RBFOX1: variants seen among roughly 807,000 people sequenced by gnomAD.
The protein encoded by RBFOX1 is RNA binding protein fox-1 homolog 1.
A neutral mutation model predicts 57.7 loss-of-function variants in RBFOX1; 8 were observed. That is an observed-to-expected ratio of 0.14 (90% confidence interval 0.08 to 0.25). RBFOX1 has a LOEUF of 0.25. Ranked by LOEUF, RBFOX1 falls within the 10% of genes least tolerant of loss-of-function variation. The pLI is 1.00. For synonymous variants in RBFOX1, 326 were observed against 222.4 expected (o/e 1.47, Z -4.15); for missense variants, 611 against 548.5 (o/e 1.11, Z -1.14).
intron 1 of RBFOX1, among the ~76,000 whole-genome samples, chr16:6,094,355 G>T (rs2096217825): frequency 6.6e-6 from 1 of 152,138 alleles, no homozygotes; most frequent in Admixed American, 6.5e-5. Flanking sequence ...ACCCCAGGTG[G>T]CACTTCTCAG....
rs920019792 is a variant in RBFOX1, at chr16:6,665,456, A to C, written c.-16+10806A>C. On this transcript the variant is annotated intron_variant, in intron 3 of 15. Transcript: ENST00000550418. ...TGGTGAAACCCCATCGCTGCTAAAA[A>C]TAAAAAATATAAAAAAATATTAGCC... 2.6e-5 allele frequency among the ~76,000 whole-genome samples: 4 copies of C among 152,140 alleles called. No homozygotes were observed. In the East Asian group the frequency reaches 7.7e-4, roughly 29 times the overall value.
chr16:5,575,281 A>T (rs1345885666), intron 2 of RBFOX1, among the ~76,000 whole-genome samples: 3 of 152,164 alleles, frequency 2.0e-5, no homozygotes, highest in African/African-American at 7.2e-5. Flanking sequence ...ACCATTGATC[A>T]TTATCGTCGT....
chr16:7,503,596 G>A (rs1013912267), intron 4 of RBFOX1, among the ~76,000 whole-genome samples: 5 of 152,164 alleles, frequency 3.3e-5, no homozygotes, highest in Non-Finnish European at 5.9e-5. Context: ...ATGTTACTCT[G>A]GTGGTAGTAG....
chr16:5,411,170 C>T (rs1243960630), intron 1 of RBFOX1, among the ~76,000 whole-genome samples: 1 of 152,194 alleles, frequency 6.6e-6, no homozygotes, highest in African/African-American at 2.4e-5. Context: ...AAAAGGACCT[C>T]AAAGATATCA....
intron 2 of RBFOX1, among the ~76,000 whole-genome samples, chr16:6,476,862 A>G (rs550543987): frequency 7.9e-5 from 12 of 152,350 alleles, no homozygotes; most frequent in African/African-American, 2.6e-4. Context: ...CTACTGCTTA[A>G]TCAACTAAGT....
chr16:6,937,242 C>G (rs1432242238), intron 3 of RBFOX1, among the ~76,000 whole-genome samples: 1 of 152,052 alleles, frequency 6.6e-6, no homozygotes, highest in Admixed American at 6.6e-5. Flanking sequence ...CCTGGGTACT[C>G]AGATACCCAG....
intron 2 of RBFOX1, chr16:5,598,834 A>G (rs17138174): frequency 3.2e-6 from 4 of 1,249,788 alleles, no homozygotes; most frequent in East Asian, 2.5e-5. Flanking sequence ...TGGGTTACTC[A>G]AGGTTAGAAT....
chr16:5,504,446 A>G (rs562487448), intron 2 of RBFOX1, among the ~76,000 whole-genome samples: 12 of 152,340 alleles, frequency 7.9e-5, no homozygotes, highest in African/African-American at 2.2e-4. Context: ...AGTAGGGCCA[A>G]TGGCATTGAC....
intron 3 of RBFOX1, among the ~76,000 whole-genome samples, chr16:6,772,026 C>T (rs900972177): frequency 6.6e-6 from 1 of 152,122 alleles, no homozygotes; most frequent in Non-Finnish European, 1.5e-5. Flanking sequence ...CAGTAAATTC[C>T]TGCTAAGTAT....
intron 5 of RBFOX1, among the ~76,000 whole-genome samples, chr16:7,579,522 G>A (rs964003546): frequency 1.3e-5 from 2 of 152,148 alleles, no homozygotes; most frequent in African/African-American, 4.8e-5. Flanking sequence ...TTGCCCTCAT[G>A]AGAATGATGC....
chr16:6,367,111 C>T (rs1021753851), intron 2 of RBFOX1, among the ~76,000 whole-genome samples: 9 of 152,140 alleles, frequency 5.9e-5, no homozygotes, highest in Non-Finnish European at 1.0e-4. Flanking sequence ...AGTTCCACCT[C>T]GATGCAGGTG....
intron 4 of RBFOX1, among the ~76,000 whole-genome samples, chr16:7,460,134 A>G (rs1005948953): frequency 1.3e-5 from 2 of 151,866 alleles, no homozygotes; most frequent in South Asian, 2.1e-4. Context: ...TATTTCTCCT[A>G]TGCTAGTCTG....
At chr16:6,928,775 A>T (rs758257699) in intron 3 of RBFOX1, among the ~76,000 whole-genome samples, 2 of 152,144 alleles carry the variant, frequency 1.3e-5, no homozygotes, top group African/African-American at 2.4e-5. Flanking sequence ...ACATTGTTTG[A>T]TTTCTTTCCG....
intron 3 of RBFOX1, among the ~76,000 whole-genome samples, chr16:6,753,240 G>C (rs964362185): frequency 7.2e-5 from 11 of 152,190 alleles, no homozygotes; most frequent in African/African-American, 2.7e-4. Context: ...GATAAAGCAA[G>C]TATAGTAAAA....
At chr16:5,334,741 G>C (rs1033800004) in intron 1 of RBFOX1, among the ~76,000 whole-genome samples, 1 of 151,568 alleles carries the variant, frequency 6.6e-6, no homozygotes, top group African/African-American at 2.4e-5. Flanking sequence ...AATGTACCAT[G>C]GGCAATGTGG....
intron 2 of RBFOX1, among the ~76,000 whole-genome samples, chr16:6,359,531 A>G (rs1022064977): frequency 6.6e-6 from 1 of 152,168 alleles, no homozygotes; most frequent in Non-Finnish European, 1.5e-5. Flanking sequence ...TCTTCCCAAA[A>G]TGTTAATTCT....
At chr16:7,087,591 G>GGA (rs1785293583) in intron 4 of RBFOX1, among the ~76,000 whole-genome samples, 1 of 150,684 alleles carries the variant, frequency 6.6e-6, no homozygotes, top group African/African-American at 2.4e-5. Context: ...GGAGGGAGGG[G>GGA]GAGAGAGAGG....
At chr16:5,938,649 A>G (rs1020378213) in intron 4 of RBFOX1, among the ~76,000 whole-genome samples, 5 of 152,036 alleles carry the variant, frequency 3.3e-5, no homozygotes, top group African/African-American at 4.8e-5. Flanking sequence ...TGACTTTGCA[A>G]TTTTACACCT....
intron 1 of RBFOX1, among the ~76,000 whole-genome samples, chr16:5,434,317 C>CTTTTTTT (rs5815245): frequency 0.17 from 13,604 of 79,278 alleles, 2,147 homozygotes; most frequent in East Asian, 0.33. Flanking sequence ...TGCTGAAGTC[C>CTTTTTTT]TTTTTTTTTT....
Sources: gnomAD v4.1 joint callset for allele counts (sites outside exome capture counted in the v4.1 genomes callset) on GRCh38, gnomAD v4.1.1 for gene constraint, MANE v1.5 for transcripts, NCBI Gene and HGNC (gene_info 2026-07-23, HGNC 2026-07-21) for gene names.